Variants in CDC25C observed in about 807,000 individuals in gnomAD.
The protein encoded by CDC25C is cell division cycle 25C, also known as M-phase inducer phosphatase 3.
CDC25C carries 48 observed loss-of-function variants against 52.5 expected under a neutral mutation model. The observed-to-expected ratio is 0.91, with a 90% CI of 0.72 to 1.16. The LOEUF (loss-of-function observed/expected upper bound fraction) is 1.16. Ranked by LOEUF, CDC25C falls within the 50% of genes most tolerant of loss-of-function variation. The probability of loss-of-function intolerance (pLI) is 0.00; values close to 1 mark genes in which losing one functional copy is unlikely to be tolerated. For missense variants in CDC25C, 510 were observed against 566.1 expected, an observed-to-expected ratio of 0.90 and a Z score of 1.01; for synonymous variants, 187 against 206.5, an observed-to-expected ratio of 0.91 and a Z score of 0.81.
At chr5:138,303,772 C>T (rs1371496245) in intron 7 of CDC25C, among the ~76,000 whole-genome samples, 2 of 152,136 alleles carry the variant, frequency 1.3e-5, no homozygotes, top group Admixed American at 6.6e-5. Flanking sequence ...GTATTTTTAC[C>T]ATCTGCCATA....
upstream of CDC25C, chr5:138,338,354 T>C (rs1371179777): frequency 2.3e-6 from 1 of 425,990 alleles, no homozygotes; most frequent in Non-Finnish European, 4.6e-6. Flanking sequence ...GGCGGGCACC[T>C]CAACCGTCCC....
At chr5:138,324,517 T>TG (rs986763778) in intron 6 of CDC25C, among the ~76,000 whole-genome samples, 5 of 151,778 alleles carry the variant, frequency 3.3e-5, no homozygotes, top group African/African-American at 1.2e-4. Context: ...CCCAGCACTT[T>TG]GGGGGGCAGA....
At chr5:138,331,320 C>T (rs949181423) in intron 1 of CDC25C, 102 bp from the exon 2 acceptor site, 1 of 841,044 alleles carries the variant, frequency 1.2e-6, no homozygotes, top group Non-Finnish European at 1.9e-6. Flanking sequence ...GGAAGAGGGG[C>T]AACCCCGAAG....
chr5:138,291,661 C>T (rs1304592858), intron 8 of CDC25C, among the ~76,000 whole-genome samples: 8 of 151,694 alleles, frequency 5.3e-5, no homozygotes, highest in African/African-American at 1.7e-4. Flanking sequence ...TCAGGCAATC[C>T]GCCCGCCTCG....
At chr5:138,302,980 G>A (rs765366299) in intron 7 of CDC25C, among the ~76,000 whole-genome samples, 43 of 151,998 alleles carry the variant, frequency 2.8e-4, no homozygotes, top group Non-Finnish European at 5.9e-4. Flanking sequence ...ATAGGCAAGA[G>A]GATCTCTTGA....
chr5:138,305,729 GC>G (rs1156657041), intron 7 of CDC25C, among the ~76,000 whole-genome samples: 1 of 152,122 alleles, frequency 6.6e-6, no homozygotes, highest in Non-Finnish European at 1.5e-5. Context: ...GTCTGTTATG[GC>G]AGACATTTAC....
At chr5:138,322,466 A>ATTTTTTTTTTTTT (rs71585117) in intron 6 of CDC25C, among the ~76,000 whole-genome samples, 4 of 67,956 alleles carry the variant, frequency 5.9e-5, no homozygotes, top group Admixed American at 2.0e-4. Context: ...CGCCCGGCTA[A>ATTTTTTTTTTTTT]TTTTTTTTTT....
intron 6 of CDC25C, among the ~76,000 whole-genome samples, chr5:138,324,429 C>T (rs943865602): frequency 5.9e-5 from 9 of 151,932 alleles, no homozygotes; most frequent in Non-Finnish European, 1.3e-4. Flanking sequence ...CATAGTGAGA[C>T]CCTTATTTCT....
In CDC25C at chr5:138,290,511, G is replaced by C. The variant is rs1580706754; in HGVS notation, c.864+128C>G. On this transcript the variant is annotated intron_variant, in intron 9 of 13. Coordinates refer to ENST00000323760, the MANE Select transcript of CDC25C (RefSeq NM_001790.5). The stretch of plus-strand genomic sequence containing the variant: ...GGCTTAGGGCCTGGATCTACCACTA[G>C]AGCACTGTCAGGTTACCAAAGAGTA... 9 of 646,974 alleles carry C rather than the reference G, an allele frequency of 1.4e-5. No individual in the cohort carries two copies. The East Asian group carries it at 2.2e-4, about 16-fold the overall frequency. 40.1% of individuals were successfully genotyped at this position (646,974 alleles called of 1,614,324 possible).
chr5:138,289,758 G>A (rs1034234646), intron 9 of CDC25C, among the ~76,000 whole-genome samples, 195 bp from the exon 10 acceptor site: 1 of 151,360 alleles, frequency 6.6e-6, no homozygotes, highest in African/African-American at 2.4e-5. Context: ...TCAAGGATGT[G>A]TACGAAGTTT....
intron 2 of CDC25C, among the ~76,000 whole-genome samples, 159 bp downstream of exon 2, chr5:138,330,828 G>A (rs1482796200): frequency 6.6e-6 from 1 of 152,234 alleles, no homozygotes; most frequent in East Asian, 1.9e-4. Flanking sequence ...TCTTGTCACA[G>A]AAAAGAAGGT....
chr5:138,300,828 CAGAA>C (rs1666868951), intron 7 of CDC25C, among the ~76,000 whole-genome samples: 1 of 152,028 alleles, frequency 6.6e-6, no homozygotes, highest in Non-Finnish European at 1.5e-5. Context: ...AATTCAATAA[CAGAA>C]AGGTCCTCAA....
chr5:138,337,385 CA>C, intron 1 of CDC25C: 1 of 153,330 alleles, frequency 6.5e-6, no homozygotes, highest in South Asian at 1.8e-4. Context: ...GCGCCGTCAA[CA>C]TCTTTTCCCC....
At position 138,328,631 on chromosome 5, in the gene CDC25C, A is replaced by C; in HGVS notation, c.290-102T>G. ...ATTACCAGTAAGCCGTATTAATTTCAAGGACTGAGCTTTTGAATACAAAGC... is the reference window on the plus strand; with the variant it reads ...ATTACCAGTAAGCCGTATTAATTTCCAGGACTGAGCTTTTGAATACAAAGC... On this transcript the variant is annotated intron_variant, in intron 3 of 13. Transcript: ENST00000323760. The C allele has an allele frequency of 3.2e-6, 3 of 950,912 alleles. No individual in the cohort carries two copies. The South Asian group carries it at 4.0e-5, about 13-fold the overall frequency. 58.9% of individuals were successfully genotyped at this position (950,912 alleles called of 1,614,324 possible). A position where few individuals can be genotyped will look rare whatever the true frequency, so the allele number is the denominator to read the frequency against.
Position 138,285,585 on chromosome 5 carries a change from GAC to G in CDC25C, c.*105_*106del, listed in dbSNP as rs2126631720. 2 of 1,032,950 alleles carry G rather than the reference GAC, an allele frequency of 1.9e-6. No individual in the cohort carries two copies. Among genetic ancestry groups the G allele is most frequent in the East Asian group, 4.8e-5 (2 of 42,100 alleles). 64.0% of individuals were successfully genotyped at this position (1,032,950 alleles called of 1,614,324 possible). On this transcript the variant is annotated 3_prime_UTR_variant, in exon 14 of 14. Coordinates refer to ENST00000323760, the MANE Select transcript of CDC25C (RefSeq NM_001790.5). ...AGTTGGTAGCCTGTTGGTTTGCAGA[GAC>G]ATCTTTTAATAATCTTGGGTTTGGC...
At chr5:138,303,915 G>C (rs1395171746) in intron 7 of CDC25C, among the ~76,000 whole-genome samples, 1 of 152,166 alleles carries the variant, frequency 6.6e-6, no homozygotes, top group Non-Finnish European at 1.5e-5. Context: ...CTTTAGATAG[G>C]AGCAGGGACA....
intron 6 of CDC25C, among the ~76,000 whole-genome samples, chr5:138,321,790 C>T (rs1423022229): frequency 8.0e-6 from 1 of 124,250 alleles, no homozygotes; most frequent in South Asian, 2.7e-4. Context: ...AAACCATGAT[C>T]AACTTTATCT....
In CDC25C at chr5:138,315,393, T is replaced by TG. The variant is rs923985517; in HGVS notation, c.615+3825dup. 3.9e-4 allele frequency among the ~76,000 whole-genome samples: 59 copies of TG among 152,240 alleles called. 1 individual carries two copies. The highest frequency in any genetic ancestry group is 2.7e-3 in the Admixed American group (42 of 15,286). On this transcript the variant is annotated intron_variant, in intron 7 of 13. Transcript: ENST00000323760. ...ACTGTCTGCAATTTTAGGCATCCAC[T>TG]GGGGGGTCTCAGAATGTATTCTCTG... is the stretch of plus-strand genomic sequence containing the variant.
intron 7 of CDC25C, among the ~76,000 whole-genome samples, chr5:138,294,499 AT>A (rs762737768): frequency 0.11 from 10,595 of 95,990 alleles, 288 homozygotes; most frequent in South Asian, 0.16. Context: ...CACTCAGCTA[AT>A]TTTTTTTTTT....
Sources: allele counts gnomAD v4.1 joint callset (sites outside exome capture counted in the v4.1 genomes callset), GRCh38; gene constraint gnomAD v4.1.1; transcripts MANE v1.5; gene names NCBI Gene and HGNC (gene_info 2026-07-23, HGNC 2026-07-21).